The following PPM1L variants were observed in gnomAD, a reference collection of about 807,000 sequenced individuals.
PPM1L encodes protein phosphatase, Mg2+/Mn2+ dependent 1L, also known as protein phosphatase 1L.
PPM1L carries 13 observed loss-of-function variants against 31.4 expected under a neutral mutation model. The ratio of observed to expected loss-of-function variants is 0.41; its 90% CI spans 0.27 to 0.66. PPM1L has a LOEUF of 0.66. Ranked by LOEUF, PPM1L falls within the 30% of genes least tolerant of loss-of-function variation. The probability of loss-of-function intolerance (pLI) is 0.29; values close to 1 mark genes in which losing one functional copy is unlikely to be tolerated. For missense variants in PPM1L, 326 were observed against 453.7 expected (o/e 0.72, Z 2.56); for synonymous variants, 184 against 175.4 (o/e 1.05, Z -0.39).
intron 1 of PPM1L, among the ~76,000 whole-genome samples, chr3:160,873,477 G>A (rs1712391052): frequency 1.3e-5 from 2 of 152,276 alleles, no homozygotes; most frequent in South Asian, 4.1e-4. Context: ...TCTCTGTGAA[G>A]AGAACAAACA....
chr3:160,853,058 A>G (rs1332635842), intron 1 of PPM1L, among the ~76,000 whole-genome samples: 1 of 152,150 alleles, frequency 6.6e-6, no homozygotes, highest in African/African-American at 2.4e-5. Context: ...AGCTGGAGGT[A>G]GCTTCTGGCA....
intron 2 of PPM1L, among the ~76,000 whole-genome samples, chr3:160,985,689 T>C (rs1339722310): frequency 3.3e-5 from 5 of 152,208 alleles, no homozygotes; most frequent in Non-Finnish European, 1.5e-5. Context: ...TCCTTGAAGA[T>C]GTCTTATGTA....
chr3:160,909,142 A>G (rs1713866900), intron 1 of PPM1L, among the ~76,000 whole-genome samples: 1 of 152,172 alleles, frequency 6.6e-6, no homozygotes. Context: ...TGTAAAGGGG[A>G]GATAAATAAT....
chr3:160,987,819 C>T (rs553734060), intron 2 of PPM1L, among the ~76,000 whole-genome samples: 1 of 152,204 alleles, frequency 6.6e-6, no homozygotes, highest in South Asian at 2.1e-4. Flanking sequence ...GAACGATATG[C>T]TCTGTGTTTT....
intron 2 of PPM1L, among the ~76,000 whole-genome samples, chr3:161,002,337 G>C (rs184171861): frequency 4.6e-5 from 7 of 151,990 alleles, no homozygotes; most frequent in African/African-American, 1.5e-4. Flanking sequence ...ATTTATAGTC[G>C]TTTGGGTATA....
In PPM1L at chr3:161,070,669, G is replaced by T; in HGVS notation, c.*1512G>T. 1 of 152,290 alleles carries T rather than the reference G, an allele frequency of 6.6e-6. No homozygotes were observed. The highest frequency in any genetic ancestry group is 1.9e-4 in the East Asian group (1 of 5,174). 9.4% of individuals were successfully genotyped at this position (152,290 alleles called of 1,614,324 possible). On this transcript the variant is annotated 3_prime_UTR_variant, in exon 4 of 4. Coordinates refer to ENST00000498165, the MANE Select transcript of PPM1L (RefSeq NM_139245.4). ...AACTTCCGTTGCCTCCCAGCCCTCT[G>T]TATCCACCTGGTTTTGTTCTTTCCC...
intron 1 of PPM1L, among the ~76,000 whole-genome samples, chr3:160,929,844 C>T (rs914006307): frequency 6.6e-6 from 1 of 152,180 alleles, no homozygotes; most frequent in African/African-American, 2.4e-5. Flanking sequence ...GAGTGCAGGC[C>T]AGTCTAGCAC....
intron 1 of PPM1L, among the ~76,000 whole-genome samples, chr3:160,959,935 A>G (rs866227778): frequency 2.0e-5 from 3 of 152,256 alleles, no homozygotes; most frequent in African/African-American, 4.8e-5. Flanking sequence ...CACTATATAT[A>G]TATGTGTTGC....
At chr3:160,908,797 A>G (rs183773683) in intron 1 of PPM1L, among the ~76,000 whole-genome samples, 219 of 152,308 alleles carry the variant, frequency 1.4e-3, no homozygotes, top group Middle Eastern at 6.8e-3. Context: ...AGGTAATAGT[A>G]TAGGAGTGCA....
At chr3:161,006,531 T>A (rs896918783) in intron 2 of PPM1L, among the ~76,000 whole-genome samples, 1 of 152,166 alleles carries the variant, frequency 6.6e-6, no homozygotes, top group Admixed American at 6.5e-5. Flanking sequence ...ATAAAAAAGT[T>A]TTTTTTAAAG....
intron 1 of PPM1L, among the ~76,000 whole-genome samples, chr3:160,775,183 G>A (rs532001884): frequency 9.7e-4 from 147 of 152,262 alleles, no homozygotes; most frequent in African/African-American, 3.4e-3. Context: ...TGTGCCCAGG[G>A]TTATACAACG....
chr3:160,891,879 A>T (rs1184380552), intron 1 of PPM1L, among the ~76,000 whole-genome samples: 1 of 152,228 alleles, frequency 6.6e-6, no homozygotes, highest in Admixed American at 6.5e-5. Flanking sequence ...CATCATCCTC[A>T]GGAAACTAAT....
chr3:160,998,404 A>G (rs1228236287), intron 2 of PPM1L, among the ~76,000 whole-genome samples: 1 of 152,240 alleles, frequency 6.6e-6, no homozygotes, highest in African/African-American at 2.4e-5. Flanking sequence ...GTACAGAACC[A>G]GAACAAAACA....
At chr3:160,826,819 G>T (rs1453824710) in intron 1 of PPM1L, among the ~76,000 whole-genome samples, 2 of 152,098 alleles carry the variant, frequency 1.3e-5, no homozygotes, top group Admixed American at 6.6e-5. Flanking sequence ...TCACTACTAA[G>T]AATTTTTATT....
chr3:160,877,051 C>T (rs1234980184), intron 1 of PPM1L, among the ~76,000 whole-genome samples: 3 of 152,112 alleles, frequency 2.0e-5, no homozygotes, highest in Non-Finnish European at 4.4e-5. Context: ...GGAATCCAGC[C>T]AAGGACAAGG....
At chr3:160,981,170 A>G (rs772455793) in intron 2 of PPM1L, among the ~76,000 whole-genome samples, 1 of 152,262 alleles carries the variant, frequency 6.6e-6, no homozygotes, top group Non-Finnish European at 1.5e-5. Context: ...TTAGTTACCT[A>G]TTGCTGCATA....
At chr3:160,854,332 A>C (rs2108115423) in intron 1 of PPM1L, among the ~76,000 whole-genome samples, 1 of 152,264 alleles carries the variant, frequency 6.6e-6, no homozygotes, top group South Asian at 2.1e-4. Context: ...GTGTTTTCCT[A>C]GTCCTTGTGT....
intron 2 of PPM1L, among the ~76,000 whole-genome samples, chr3:160,987,987 C>T (rs1180374358): frequency 6.6e-6 from 1 of 152,156 alleles, no homozygotes; most frequent in Non-Finnish European, 1.5e-5. Context: ...ATTTTCCTTT[C>T]CTGACCCTGG....
chr3:160,885,946 C>T (rs1401651760), intron 1 of PPM1L, among the ~76,000 whole-genome samples: 3 of 152,232 alleles, frequency 2.0e-5, no homozygotes, highest in African/African-American at 7.2e-5. Flanking sequence ...GCCTAACACA[C>T]TAACCTCCCT....
Sources: gnomAD v4.1 joint callset for allele counts (sites outside exome capture counted in the v4.1 genomes callset) on GRCh38, gnomAD v4.1.1 for gene constraint, MANE v1.5 for transcripts, NCBI Gene and HGNC (gene_info 2026-07-23, HGNC 2026-07-21) for gene names.